Variants in MACROD2 observed in about 807,000 individuals in gnomAD.
MACROD2 encodes the protein ADP-ribose glycohydrolase MACROD2.
In MACROD2, 36 loss-of-function variants were observed where a neutral mutation model predicts 70.4. That is an observed-to-expected ratio of 0.51 (90% CI 0.39 to 0.68). MACROD2 has a LOEUF of 0.68. Ranked by LOEUF, MACROD2 falls within the 30% of genes least tolerant of loss-of-function variation. MACROD2 has a pLI of 0.00. For missense variants in MACROD2, 496 were observed against 538.4 expected (o/e 0.92, Z 0.78); for synonymous variants, 172 against 178.8 (o/e 0.96, Z 0.30).
intron 8 of MACROD2, among the ~76,000 whole-genome samples, chr20:15,583,698 C>T (rs965364835): frequency 2.6e-5 from 4 of 152,070 alleles, no homozygotes; most frequent in African/African-American, 9.7e-5. Flanking sequence ...GGTTGGAGTG[C>T]AGTGGCATGA....
intron 5 of MACROD2, among the ~76,000 whole-genome samples, chr20:15,042,698 G>A (rs2075365049): frequency 6.6e-6 from 1 of 152,174 alleles, no homozygotes; most frequent in Non-Finnish European, 1.5e-5. Flanking sequence ...TCCATCAGCA[G>A]AAGCTCAGCG....
At chr20:15,033,727 C>T (rs2075292538) in intron 5 of MACROD2, among the ~76,000 whole-genome samples, 1 of 152,130 alleles carries the variant, frequency 6.6e-6, no homozygotes, top group Admixed American at 6.5e-5. Flanking sequence ...TCTTCCAAGA[C>T]ACTAATGGAA....
chr20:15,593,435 C>T (rs923748552), intron 8 of MACROD2, among the ~76,000 whole-genome samples: 1 of 152,208 alleles, frequency 6.6e-6, no homozygotes, highest in African/African-American at 2.4e-5. Context: ...TGGTCTCCTA[C>T]TGAAAATATT....
chr20:16,007,995 C>A (rs2066812429), intron 15 of MACROD2, among the ~76,000 whole-genome samples: 4 of 152,222 alleles, frequency 2.6e-5, no homozygotes, highest in Admixed American at 2.0e-4. Context: ...TCCTTCCCAG[C>A]TGATGCTGTG....
intron 4 of MACROD2, among the ~76,000 whole-genome samples, chr20:14,563,547 A>G (rs1053369380): frequency 1.3e-5 from 2 of 151,916 alleles, no homozygotes; most frequent in African/African-American, 4.8e-5. Context: ...AAAATTAGTT[A>G]AACTTTTTAT....
chr20:15,421,388 A>C (rs922544340), intron 6 of MACROD2, among the ~76,000 whole-genome samples: 2 of 152,160 alleles, frequency 1.3e-5, no homozygotes, highest in African/African-American at 2.4e-5. Context: ...CAAAACCAAA[A>C]CAAAACAAAA....
chr20:15,572,434 C>A (rs2048388257), intron 8 of MACROD2, among the ~76,000 whole-genome samples: 1 of 152,016 alleles, frequency 6.6e-6, no homozygotes, highest in Admixed American at 6.6e-5. Flanking sequence ...AAGTTAATTT[C>A]TGAAAAGCAG....
At chr20:14,523,345 G>A (rs1422212612) in intron 4 of MACROD2, 1 of 152,188 alleles carries the variant, frequency 6.6e-6, no homozygotes, top group East Asian at 1.9e-4. Context: ...GGAATGTTGA[G>A]TGTCTCAACC....
At chr20:14,517,443 AACCAAAC>A (rs2085114468) in intron 4 of MACROD2, among the ~76,000 whole-genome samples, 1 of 152,184 alleles carries the variant, frequency 6.6e-6, no homozygotes, top group Admixed American at 6.5e-5. Flanking sequence ...AGGAACAGAA[AACCAAAC>A]ACCATGTGTT....
chr20:15,856,867 G>A (rs2064362460), intron 8 of MACROD2, among the ~76,000 whole-genome samples: 3 of 152,194 alleles, frequency 2.0e-5, no homozygotes, highest in African/African-American at 7.2e-5. Context: ...AGCGGGGATG[G>A]AAACTTTAGG....
chr20:15,908,163 G>C (rs1447399661), intron 10 of MACROD2, among the ~76,000 whole-genome samples: 3 of 152,142 alleles, frequency 2.0e-5, no homozygotes, highest in African/African-American at 7.2e-5. Flanking sequence ...AAGAACAAAT[G>C]TTTGCTTCCC....
intron 5 of MACROD2, among the ~76,000 whole-genome samples, chr20:15,215,511 A>T (rs1440530128): frequency 6.6e-6 from 1 of 152,050 alleles, no homozygotes; most frequent in Non-Finnish European, 1.5e-5. Flanking sequence ...TCTCCCAAGG[A>T]ATTGATTATT....
intron 11 of MACROD2, among the ~76,000 whole-genome samples, chr20:15,936,493 G>A (rs6043628): frequency 0.91 from 134,860 of 147,838 alleles, 61,771 homozygotes; most frequent in Non-Finnish European, 0.96. Flanking sequence ...TTATACATAT[G>A]AACTATATAT....
At chr20:14,318,447 G>C (rs971593422) in intron 3 of MACROD2, among the ~76,000 whole-genome samples, 1 of 152,134 alleles carries the variant, frequency 6.6e-6, no homozygotes, top group Non-Finnish European at 1.5e-5. Context: ...ATAGGGGTAG[G>C]GAGTGGGAGG....
intron 8 of MACROD2, among the ~76,000 whole-genome samples, chr20:15,533,544 GCTCTCT>G (rs3071260): frequency 0.028 from 3,974 of 141,132 alleles, 83 homozygotes; most frequent in African/African-American, 0.052. Flanking sequence ...TGTCTCTGTC[GCTCTCT>G]CTCTCTCTCT....
intron 5 of MACROD2, among the ~76,000 whole-genome samples, chr20:14,779,860 T>C (rs2072278021): frequency 1.3e-5 from 2 of 152,198 alleles, no homozygotes; most frequent in South Asian, 4.1e-4. Context: ...CATTTAGCTT[T>C]ATTGCTTATA....
chr20:15,728,465 A>G (rs949301570), intron 8 of MACROD2, among the ~76,000 whole-genome samples: 5 of 152,018 alleles, frequency 3.3e-5, no homozygotes, highest in African/African-American at 9.7e-5. Context: ...AGTAATTTCA[A>G]TATGAATGGT....
At chr20:15,645,992 T>A (rs1343430115) in intron 8 of MACROD2, among the ~76,000 whole-genome samples, 1 of 152,164 alleles carries the variant, frequency 6.6e-6, no homozygotes, top group Non-Finnish European at 1.5e-5. Flanking sequence ...ATCAAAAGAA[T>A]GACTGGTATT....
chr20:15,724,154 T>C lies in MACROD2; in HGVS notation c.646-138591T>C, dbSNP rs190615172. 2.5e-4 allele frequency among the ~76,000 whole-genome samples: 38 copies of C among 152,338 alleles called. No individual in the cohort carries two copies. In the East Asian group the frequency reaches 3.1e-3, roughly 12 times the overall value. On this transcript the variant is annotated intron_variant, in intron 8 of 17. Transcript: ENST00000684519. ...TTATTATTGAGTTTCAAGAGTTCTG[T>C]GTATATTTTGGATGATAGTCCTTTA...
Sources: allele counts gnomAD v4.1 joint callset (sites outside exome capture counted in the v4.1 genomes callset), GRCh38; gene constraint gnomAD v4.1.1; transcripts MANE v1.5; gene names NCBI Gene and HGNC (gene_info 2026-07-23, HGNC 2026-07-21).